The following TTC28 variants were observed in gnomAD, a reference collection of about 807,000 sequenced individuals.
TTC28 encodes tetratricopeptide repeat protein 28.
In TTC28, 61 loss-of-function variants were observed where a neutral mutation model predicts 198.0. The observed-to-expected ratio is 0.31, with a 90% CI of 0.25 to 0.38. The LOEUF (loss-of-function observed/expected upper bound fraction) is 0.38. TTC28 is among the 10% of genes least tolerant of loss of function. The pLI is 1.00. For missense variants in TTC28, 2,678 were observed against 3,164.0 expected, an observed-to-expected ratio of 0.85 and a Z score of 3.69; for synonymous variants, 1,171 against 1,297.8, an observed-to-expected ratio of 0.90 and a Z score of 2.10.
chr22:28,094,100 C>T lies in TTC28; in HGVS notation c.3912G>A (p.Gly1304=), dbSNP rs1601612318. The change falls in exon 12 of 23, where the codon GGG becomes GGA. Residue 1304 remains glycine (G), a synonymous_variant. Transcript: ENST00000397906. ...QHIASVREAL[G]VESHYSRACA... ...CCTACCTTGAGTAGTGAGACTCCAC[C>T]CCCAGGGCCTCCCGGACACTGGCAA... is the stretch of plus-strand genomic sequence containing the variant. The T allele has an allele frequency of 1.3e-6, 2 of 1,549,090 alleles. No individual in the cohort carries two copies. Among genetic ancestry groups the T allele is most frequent in the Non-Finnish European group, 1.7e-6 (2 of 1,146,180 alleles).
chr22:28,521,607 G>C (rs531783211), intron 2 of TTC28, among the ~76,000 whole-genome samples: 1 of 152,144 alleles, frequency 6.6e-6, no homozygotes, highest in Non-Finnish European at 1.5e-5. Context: ...TCCCCCAGCC[G>C]TAAGATTGCT....
chr22:28,039,657 C>T (rs971135064), intron 12 of TTC28, among the ~76,000 whole-genome samples: 2 of 151,948 alleles, frequency 1.3e-5, no homozygotes, highest in Non-Finnish European at 2.9e-5. Flanking sequence ...TACCCTAAAA[C>T]TTAAAGTATA....
chr22:28,450,550 T>C (rs911092049), intron 2 of TTC28, among the ~76,000 whole-genome samples: 4 of 152,160 alleles, frequency 2.6e-5, no homozygotes, highest in African/African-American at 9.7e-5. Context: ...ACACAATATA[T>C]CCCATACGTA....
At chr22:28,242,689 C>A (rs939804330) in intron 5 of TTC28, among the ~76,000 whole-genome samples, 9 of 151,976 alleles carry the variant, frequency 5.9e-5, no homozygotes, top group African/African-American at 1.9e-4. Flanking sequence ...ATGTATATAT[C>A]TTTGTTATAA....
At chr22:28,185,324 T>C (rs1317375596) in intron 5 of TTC28, among the ~76,000 whole-genome samples, 2 of 152,194 alleles carry the variant, frequency 1.3e-5, no homozygotes, top group Non-Finnish European at 2.9e-5. Context: ...ATCAATCTTA[T>C]GAAATCTATT....
At chr22:28,108,633 G>A (rs531482997) in intron 6 of TTC28, among the ~76,000 whole-genome samples, 2 of 152,144 alleles carry the variant, frequency 1.3e-5, no homozygotes, top group African/African-American at 4.8e-5. Flanking sequence ...AAATAAGAAT[G>A]TTTGTACTAC....
intron 2 of TTC28, among the ~76,000 whole-genome samples, chr22:28,586,723 T>C (rs1217402595): frequency 1.3e-5 from 2 of 152,184 alleles, no homozygotes; most frequent in African/African-American, 2.4e-5. Context: ...CACTAGGCCT[T>C]GGATCTTGAT....
intron 2 of TTC28, among the ~76,000 whole-genome samples, chr22:28,367,544 G>T (rs552616811): frequency 5.3e-5 from 8 of 151,742 alleles, no homozygotes; most frequent in African/African-American, 1.9e-4. Flanking sequence ...AGTGCAAACT[G>T]AACCCAAAAT....
Position 27,993,272 on chromosome 22 carries a change from ACACC to A in TTC28, c.5476+11_5476+14del, listed in dbSNP as rs1480951800. The A allele has an allele frequency of 2.0e-6, 3 of 1,510,876 alleles. No homozygotes were observed. In the Admixed American group the frequency reaches 6.2e-5, roughly 31 times the overall value. 93.6% of individuals were successfully genotyped at this position (1,510,876 alleles called of 1,614,324 possible). A position where few individuals can be genotyped will look rare whatever the true frequency, so the allele number is the denominator to read the frequency against. On this transcript the variant is annotated intron_variant, in intron 18 of 22. Transcript: ENST00000397906. The stretch of plus-strand genomic sequence containing the variant: ...CAGCCAGGCCTGTTGCCCCAGCCCT[ACACC>A]CACAGCTCACCCAGCAGGGACTGGA...
intron 2 of TTC28, among the ~76,000 whole-genome samples, chr22:28,542,022 G>C (rs1383436802): frequency 6.6e-6 from 1 of 152,116 alleles, no homozygotes; most frequent in African/African-American, 2.4e-5. Context: ...CCTGGAGTTA[G>C]AGGCTGCAGT....
rs561386936 is a variant in TTC28, at chr22:28,337,109, T to C, written c.382-30466A>G. On this transcript the variant is annotated intron_variant, in intron 2 of 22. Transcript: ENST00000397906. The stretch of plus-strand genomic sequence containing the variant: ...CATTTCGTTATGTACCCAGTAGTCA[T>C]TCAGGAGCAGGTTGTTCAGTTTCCA... Among the ~76,000 whole-genome samples the C allele has an allele frequency of 2.1e-3, 323 of 152,350 alleles. 2 individuals are homozygous for C. Among genetic ancestry groups the C allele is most frequent in the African/African-American group, 6.7e-3 (278 of 41,578 alleles).
intron 5 of TTC28, among the ~76,000 whole-genome samples, chr22:28,277,213 A>T (rs1458823267): frequency 6.6e-6 from 1 of 152,264 alleles, no homozygotes; most frequent in Non-Finnish European, 1.5e-5. Flanking sequence ...GTATTATGAA[A>T]TAAAAGCAAT....
chr22:28,656,488 C>A (rs867184371), intron 1 of TTC28, among the ~76,000 whole-genome samples: 18 of 152,208 alleles, frequency 1.2e-4, no homozygotes, highest in Admixed American at 6.5e-5. Flanking sequence ...ATGTTGCTTG[C>A]AGAATCTCAG....
intron 2 of TTC28, among the ~76,000 whole-genome samples, chr22:28,608,704 T>C (rs1156313503): frequency 6.6e-6 from 1 of 152,162 alleles, no homozygotes; most frequent in Non-Finnish European, 1.5e-5. Context: ...AGTTGTAATC[T>C]ACCAGAGTGC....
At chr22:28,464,765 T>C (rs1053061706) in intron 2 of TTC28, among the ~76,000 whole-genome samples, 65 of 152,204 alleles carry the variant, frequency 4.3e-4, no homozygotes, top group African/African-American at 1.5e-3. Context: ...TCATTTTCAA[T>C]ACTGGAAAAG....
intron 2 of TTC28, among the ~76,000 whole-genome samples, chr22:28,571,965 A>C (rs1384282819): frequency 6.6e-6 from 1 of 151,390 alleles, no homozygotes; most frequent in East Asian, 1.9e-4. Context: ...AAAAAAAAAA[A>C]AAACAAACAA....
intron 5 of TTC28, among the ~76,000 whole-genome samples, chr22:28,164,166 C>T (rs916263332): frequency 1.3e-5 from 2 of 152,162 alleles, no homozygotes; most frequent in Non-Finnish European, 2.9e-5. Flanking sequence ...CTGGCTGGAG[C>T]CCACCACAGT....
At chr22:28,150,673 T>C (rs560686220) in intron 6 of TTC28, among the ~76,000 whole-genome samples, 28 of 152,314 alleles carry the variant, frequency 1.8e-4, no homozygotes, top group African/African-American at 6.7e-4. Context: ...GCACTCACCA[T>C]TGCTGGCAAA....
In TTC28 at chr22:28,207,277, T is replaced by C. The variant is rs528226360; in HGVS notation, c.934-43678A>G. Among the ~76,000 whole-genome samples, 134 of 149,334 alleles carry C rather than the reference T, an allele frequency of 9.0e-4. 1 individual carries two copies. Among genetic ancestry groups the C allele is most frequent in the African/African-American group, 3.2e-3 (129 of 40,894 alleles). On this transcript the variant is annotated intron_variant, in intron 5 of 22. Coordinates refer to ENST00000397906, the MANE Select transcript of TTC28 (RefSeq NM_001145418.2). ...CAGGCCTTCAATAAATAGTTCTTTATAGCTGTGATATCATTCTGGGTTAAT... is the reference window on the plus strand; with the variant it reads ...CAGGCCTTCAATAAATAGTTCTTTACAGCTGTGATATCATTCTGGGTTAAT...
Sources: gnomAD v4.1 joint callset for allele counts (sites outside exome capture counted in the v4.1 genomes callset) on GRCh38, gnomAD v4.1.1 for gene constraint, MANE v1.5 for transcripts, NCBI Gene and HGNC (gene_info 2026-07-23, HGNC 2026-07-21) for gene names.